Variants in KIF17 observed in about 807,000 individuals in gnomAD.
The protein encoded by KIF17 is kinesin family member 17, also known as kinesin-like protein KIF17.
Under a neutral mutation model 96.8 loss-of-function variants are expected in KIF17, and 80 were observed. That is an observed-to-expected ratio of 0.83 (90% confidence interval 0.69 to 1.00). The LOEUF (loss-of-function observed/expected upper bound fraction) is 1.00, where lower values mean the gene tolerates loss of function less well. KIF17 is among the 50% of genes least tolerant of loss of function. The pLI is 0.00. For missense variants in KIF17, 1,280 were observed against 1,372.9 expected, an observed-to-expected ratio of 0.93 and a Z score of 1.07; for synonymous variants, 567 against 587.5, an observed-to-expected ratio of 0.97 and a Z score of 0.51.
In KIF17 at chr1:20,713,508, G is replaced by C. The variant is rs761604974; in HGVS notation, c.426C>G (p.Ile142Met). Residue 142 changes from isoleucine (I) to methionine (M), a missense_variant, in exon 3 of 15, where the codon ATC becomes ATG. By Grantham distance (10) the Ile-to-Met change is conservative. Transcript: ENST00000400463. ...KFLVRASYLE[I>M]YNEDVRDLLG... ...GGAGGTCCCGGACATCTTCATTGTA[G>C]ATCTCCAGGTAGGAGGCCCGGACCA... is the stretch of plus-strand genomic sequence containing the variant. 1.2e-6 allele frequency: 2 copies of C among 1,613,416 alleles called. No homozygotes were observed. The highest frequency in any genetic ancestry group is 1.7e-6 in the Non-Finnish European group (2 of 1,179,938).
intron 13 of KIF17, among the ~76,000 whole-genome samples, chr1:20,667,510 C>G (rs111355750): frequency 1.3e-5 from 2 of 152,186 alleles, no homozygotes; most frequent in South Asian, 4.2e-4. Flanking sequence ...TGAATCATCC[C>G]GAAACTATCA....
In KIF17 at chr1:20,704,447, C is replaced by T. The variant is rs146004450; in HGVS notation, c.1123G>A (p.Ala375Thr). 7.0e-5 allele frequency: 113 copies of T among 1,613,426 alleles called. No individual in the cohort carries two copies. The highest frequency in any genetic ancestry group is 8.6e-5 in the Non-Finnish European group (101 of 1,179,674). ...TQQMSPSSLS[A>T]LLSRQVPPDP... ...CGCCACTACCCCAACGTGGTCCCAC[C>T]TGACAGGCTGCTGGGGCTCATCTGC... The change falls in exon 5 of 15, where the codon GCC (alanine) becomes ACC (threonine). Residue 375 changes from alanine to threonine, a missense_variant and splice_region_variant. Coordinates refer to ENST00000400463, the MANE Select transcript of KIF17 (RefSeq NM_001122819.3). This position sits in a 1 kb window ranked among gnomAD's most constrained non-coding sequence, Gnocchi z 6.8.
chr1:20,669,561 T>TAA (rs1355411685), intron 13 of KIF17, among the ~76,000 whole-genome samples: 6 of 113,958 alleles, frequency 5.3e-5, no homozygotes, highest in Non-Finnish European at 1.1e-4. Context: ...ATAATAATAA[T>TAA]AATAAATAAA....
chr1:20,690,352 G>GGCCCA lies in KIF17; in HGVS notation c.1234-18_1234-17insTGGGC. ...TTCATACTCCTGGGGGGGTGGGAGG[G>GGCCCA]ACCAGAGGGCAGGCAGCATTTTATC... On this transcript the variant is annotated splice_polypyrimidine_tract_variant and intron_variant, in intron 6 of 14. Coordinates refer to ENST00000400463, the MANE Select transcript of KIF17 (RefSeq NM_001122819.3). 10 of 451,026 alleles carry GGCCCA rather than the reference G, an allele frequency of 2.2e-5. No homozygotes were observed. Among genetic ancestry groups the GGCCCA allele is most frequent in the Non-Finnish European group, 3.8e-5 (9 of 235,016 alleles). 27.9% of individuals were successfully genotyped at this position (451,026 alleles called of 1,614,324 possible). A position where few individuals can be genotyped will look rare whatever the true frequency, so the allele number is the denominator to read the frequency against.
At chr1:20,681,979 C>A (rs757008743) in intron 11 of KIF17, among the ~76,000 whole-genome samples, 21 of 152,128 alleles carry the variant, frequency 1.4e-4, no homozygotes, top group African/African-American at 4.8e-4. Flanking sequence ...GTGCACTTAA[C>A]CATCAACAAA....
intron 11 of KIF17, among the ~76,000 whole-genome samples, chr1:20,676,814 GA>G (rs1253330577): frequency 3.3e-5 from 5 of 152,104 alleles, no homozygotes. Context: ...CTGGGCAAAA[GA>G]ACGAAACTCC....
chr1:20,687,676 G>A lies in KIF17; in HGVS notation c.1650C>T (p.Ser550=), dbSNP rs752385893. Residue 550 remains serine (S), a synonymous_variant, in exon 8 of 15, where the codon TCC becomes TCT. Transcript: ENST00000400463. This position sits in a 1 kb window ranked among gnomAD's most constrained non-coding sequence, Gnocchi z 4.4. The part of the protein sequence containing the change: ...ESSSLEETSV[S]EAFPGPEEPS... ...GCTCCTCAGGCCCAGGGAAAGCCTC[G>A]GACACAGAGGTTTCTTCGAGCGAGG... is the stretch of plus-strand genomic sequence containing the variant. The A allele has an allele frequency of 3.3e-5, 53 of 1,614,184 alleles. No homozygotes were observed. The highest frequency in any genetic ancestry group is 1.6e-4 in the Middle Eastern group (1 of 6,062).
chr1:20,715,374 G>T, intron 2 of KIF17, 119 bp downstream of exon 2: 1 of 1,319,986 alleles, frequency 7.6e-7, no homozygotes, highest in Non-Finnish European at 1.1e-6. Flanking sequence ...AGCCTTCTCT[G>T]CTGATCTGCA....
intron 4 of KIF17, among the ~76,000 whole-genome samples, chr1:20,706,504 T>C (rs2054342951): frequency 6.6e-6 from 1 of 151,590 alleles, no homozygotes; most frequent in South Asian, 2.1e-4. Context: ...GGCACAAGAA[T>C]TGCTTGAACC....
intron 11 of KIF17, among the ~76,000 whole-genome samples, chr1:20,677,729 G>A (rs1377534019): frequency 3.3e-5 from 5 of 152,170 alleles, no homozygotes; most frequent in Admixed American, 6.5e-5. Flanking sequence ...GGTGGTGCAC[G>A]CCTGTAGTCC....
intron 13 of KIF17, among the ~76,000 whole-genome samples, chr1:20,668,953 G>C (rs1165471324): frequency 3.9e-5 from 6 of 152,112 alleles, no homozygotes; most frequent in African/African-American, 1.4e-4. Context: ...TGTTAACTTA[G>C]CTGGTAGTTA....
At position 20,684,816 on chromosome 1, in the gene KIF17, G is replaced by A. The variant is rs761983478; in HGVS notation, c.2224C>T (p.Leu742=). The A allele has an allele frequency of 1.3e-6, 2 of 1,578,230 alleles. No homozygotes were observed. The highest frequency in any genetic ancestry group is 1.8e-5 in the Admixed American group (1 of 55,422). ...CCATGCTCTGCTGCTTACCGGGCCA[G>A]CACCTGCTGCTGGTCCACAACGGGC... ...PLPVVDQQQV[L]ARLQLLEQQV... is the part of the protein sequence containing the mutation. Residue 742 remains leucine, a synonymous_variant, in exon 10 of 15, where the codon CTG becomes TTG. Transcript: ENST00000400463.
chr1:20,663,572 G>A (rs913159413), downstream of KIF17, among the ~76,000 whole-genome samples: 2 of 152,224 alleles, frequency 1.3e-5, no homozygotes, highest in African/African-American at 4.8e-5. Context: ...CAAAGGCCAA[G>A]CCTTTTCCCT....
Position 20,713,412 on chromosome 1 carries a change from C to A in KIF17, c.480+42G>T, listed in dbSNP as rs190737869. ...AGGGAGCAGCACCAATGCCAACCTC[C>A]CCCCTACCAGCCCCACCTGCCCACA... On this transcript the variant is annotated intron_variant, in intron 3 of 14. Coordinates refer to ENST00000400463, the MANE Select transcript of KIF17 (RefSeq NM_001122819.3). 15 of 1,460,312 alleles carry A rather than the reference C, an allele frequency of 1.0e-5. No individual in the cohort carries two copies. The Admixed American group carries it at 1.3e-4, about 13-fold the overall frequency. 90.5% of individuals were successfully genotyped at this position (1,460,312 alleles called of 1,614,324 possible). A position where few individuals can be genotyped will look rare whatever the true frequency, so the allele number is the denominator to read the frequency against.
intron 5 of KIF17, among the ~76,000 whole-genome samples, chr1:20,702,595 A>T (rs2054255986): frequency 6.6e-6 from 1 of 152,100 alleles, no homozygotes; most frequent in Non-Finnish European, 1.5e-5. Flanking sequence ...ACCACCTCCC[A>T]TCACCCCTAT....
chr1:20,664,400 C>G lies in KIF17; in HGVS notation c.*184G>C. ...AGGACTATACAGCCTCCGAGGGGCT[C>G]CTGCCCAGGGCGGAGGTGGGCTCTC... On this transcript the variant is annotated 3_prime_UTR_variant, in exon 15 of 15. Coordinates refer to ENST00000400463, the MANE Select transcript of KIF17 (RefSeq NM_001122819.3). The G allele has an allele frequency of 6.7e-7, 1 of 1,497,222 alleles. No individual in the cohort carries two copies. The highest frequency in any genetic ancestry group is 8.9e-7 in the Non-Finnish European group (1 of 1,127,220). 92.7% of individuals were successfully genotyped at this position (1,497,222 alleles called of 1,614,324 possible). A position where few individuals can be genotyped will look rare whatever the true frequency, so the allele number is the denominator to read the frequency against.
In KIF17 at chr1:20,686,090, C is replaced by T; in HGVS notation, c.1975G>A (p.Ala659Thr). The T allele has an allele frequency of 6.4e-7, 1 of 1,566,634 alleles. No individual in the cohort carries two copies. Among genetic ancestry groups the T allele is most frequent in the Non-Finnish European group, 8.7e-7 (1 of 1,155,356 alleles). Reference protein sequence around the residue: ...APTDLLEPSDARPEAEAADDF... With the variant: ...APTDLLEPSDTRPEAEAADDF... ...TCAGCCGCCTCGGCTTCGGGCCTGG[C>T]ATCACTGGGCTCCAGCAGGTCTGTC... The change falls in exon 9 of 15, where the codon GCC (alanine) becomes ACC (threonine). Residue 659 changes from alanine to threonine, a missense_variant. Coordinates refer to ENST00000400463, the MANE Select transcript of KIF17 (RefSeq NM_001122819.3).
intron 13 of KIF17, among the ~76,000 whole-genome samples, chr1:20,667,771 G>A (rs1273276462): frequency 6.6e-6 from 1 of 152,208 alleles, no homozygotes; most frequent in Non-Finnish European, 1.5e-5. Context: ...ACTTTGGGAG[G>A]CCAAGGCAGG....
Position 20,664,273 on chromosome 1 carries a change from A to G in KIF17, c.*311T>C. The G allele has an allele frequency of 2.4e-6, 3 of 1,231,658 alleles. No homozygotes were observed. The highest frequency in any genetic ancestry group is 3.1e-6 in the Non-Finnish European group (3 of 953,522). The allele number at this position is 1,231,658 out of a possible 1,614,324, so 76.3% of individuals were successfully genotyped here. A position where few individuals can be genotyped will look rare whatever the true frequency, so the allele number is the denominator to read the frequency against. On this transcript the variant is annotated 3_prime_UTR_variant, in exon 15 of 15. Transcript: ENST00000400463. The stretch of plus-strand genomic sequence containing the variant: ...GCCGTGAAGCAGGTCTCAGGCTTTG[A>G]GGCAAAGACCAACACTGGTGGGCAT...
Sources: allele counts gnomAD v4.1 joint callset (sites outside exome capture counted in the v4.1 genomes callset), GRCh38; gene constraint gnomAD v4.1.1; non-coding constraint Gnocchi (gnomAD v3.1); transcripts MANE v1.5; gene names NCBI Gene and HGNC (gene_info 2026-07-23, HGNC 2026-07-21).